Variants in PTPN13 observed in about 807,000 individuals in gnomAD.
PTPN13 encodes protein tyrosine phosphatase non-receptor type 13.
A neutral mutation model predicts 284.0 loss-of-function variants in PTPN13; 191 were observed. That is an observed-to-expected ratio of 0.67 (90% CI 0.60 to 0.76). PTPN13 has a LOEUF of 0.76. Among genes scored for constraint, PTPN13 ranks in the 30% least tolerant of loss-of-function variants. The pLI is 0.00. For missense variants in PTPN13, 2,797 were observed against 2,939.9 expected (o/e 0.95, Z 1.12); for synonymous variants, 986 against 1,022.3 (o/e 0.96, Z 0.68).
rs560659578 is a variant in PTPN13, at chr4:86,738,336, G to A, written c.2304+2590G>A. On this transcript the variant is annotated intron_variant, in intron 15 of 47. Coordinates refer to ENST00000411767, the MANE Select transcript of PTPN13 (RefSeq NM_080683.3). The stretch of plus-strand genomic sequence containing the variant: ...AGTTTTACAGTCCTACCAACAGTGT[G>A]TGAATTTCAGTTGCTCCACATCCTT... Among the ~76,000 whole-genome samples, 13 of 152,264 alleles carry A rather than the reference G, an allele frequency of 8.5e-5. No individual in the cohort carries two copies. In the South Asian group the frequency reaches 2.7e-3, roughly 32 times the overall value.
rs1043951280 is a variant in PTPN13, at chr4:86,687,696, A to C, written c.360+921A>C. ...TTCAGTTTCAATTCTGTAAATATAAATGAGAAAGTTAAAATATTACTGGAA... is the reference window on the plus strand; with the variant it reads ...TTCAGTTTCAATTCTGTAAATATAACTGAGAAAGTTAAAATATTACTGGAA... On this transcript the variant is annotated intron_variant, in intron 4 of 47. Transcript: ENST00000411767. Among the ~76,000 whole-genome samples the C allele has an allele frequency of 1.7e-3, 254 of 152,214 alleles. 2 individuals are homozygous for C. Among genetic ancestry groups the C allele is most frequent in the East Asian group, 1.9e-3 (10 of 5,186 alleles).
At chr4:86,635,422 C>G (rs2148722564) in intron 2 of PTPN13, 51 bp downstream of exon 2, 10 of 1,547,560 alleles carry the variant, frequency 6.5e-6, no homozygotes, top group Non-Finnish European at 8.7e-6. Context: ...GTATTGGGTA[C>G]TTAAAAAACA....
chr4:86,744,229 T>G (rs927640571), intron 16 of PTPN13, among the ~76,000 whole-genome samples: 11 of 152,204 alleles, frequency 7.2e-5, no homozygotes, highest in African/African-American at 2.4e-4. Flanking sequence ...CTATTCAGCC[T>G]TTATGCCACC....
At chr4:86,723,571 C>A (rs1008413302) in intron 10 of PTPN13, among the ~76,000 whole-genome samples, 1 of 152,188 alleles carries the variant, frequency 6.6e-6, no homozygotes, top group South Asian at 2.1e-4. Context: ...TAACTCATTG[C>A]AGATAACTTT....
intron 1 of PTPN13, among the ~76,000 whole-genome samples, chr4:86,616,512 G>A (rs2148644033): frequency 6.6e-6 from 1 of 151,466 alleles, no homozygotes; most frequent in Non-Finnish European, 1.5e-5. Context: ...TAGAGGTGGG[G>A]CCTGGTTGGG....
intron 40 of PTPN13, among the ~76,000 whole-genome samples, chr4:86,794,964 G>A (rs9884422): frequency 0.1 from 15,153 of 152,082 alleles, 877 homozygotes; most frequent in Non-Finnish European, 0.11. Context: ...AACCTAGGTG[G>A]TACTATTCAG....
chr4:86,766,698 A>T, intron 27 of PTPN13, 181 bp downstream of exon 27: 2 of 437,318 alleles, frequency 4.6e-6, no homozygotes, highest in Non-Finnish European at 7.9e-6. Context: ...ATTACAAGAC[A>T]TTTTTTACTG....
chr4:86,746,527 A>G (rs1736779690), intron 17 of PTPN13, among the ~76,000 whole-genome samples: 1 of 152,204 alleles, frequency 6.6e-6, no homozygotes, highest in Admixed American at 6.5e-5. Context: ...TGCTGATTTA[A>G]AATGAAGATT....
chr4:86,802,145 T>TTGTGTGTG (rs565544263), intron 42 of PTPN13, among the ~76,000 whole-genome samples: 1 of 143,866 alleles, frequency 7.0e-6, no homozygotes, highest in East Asian at 2.0e-4. Context: ...ATCAAGATTT[T>TTGTGTGTG]AGTGTGTGTG....
At chr4:86,712,758 A>G (rs938705167) in intron 7 of PTPN13, among the ~76,000 whole-genome samples, 28 of 152,150 alleles carry the variant, frequency 1.8e-4, no homozygotes, top group African/African-American at 6.5e-4. Context: ...CCAATAGTTC[A>G]TGAAGAGAAA....
chr4:86,673,672 A>ATTTAATTTGTGATTTT (rs1727957701), intron 3 of PTPN13, among the ~76,000 whole-genome samples: 1 of 152,208 alleles, frequency 6.6e-6, no homozygotes, highest in African/African-American at 2.4e-5. Context: ...CTATGGGAGA[A>ATTTAATTTGTGATTTT]GGAAGATTTT....
In PTPN13 at chr4:86,775,639, T is replaced by C. The variant is rs771631454; in HGVS notation, c.5878T>C (p.Leu1960=). 3 of 1,611,044 alleles carry C rather than the reference T, an allele frequency of 1.9e-6. No homozygotes were observed. In the African/African-American group the frequency reaches 4.0e-5, roughly 22 times the overall value. The part of the protein sequence containing the change: ...ALDMSLPSLV[L]KATRNDLPVV... ...AGACATGTCACTTCCTTCATTGGTA[T>C]TGAAAGCAACAAGGTACTCTGCAAT... Residue 1960 remains leucine (L), a synonymous_variant, in exon 35 of 48, where the codon TTG becomes CTG. Transcript: ENST00000411767.
At chr4:86,813,676 C>T (rs575409455) in intron 47 of PTPN13, among the ~76,000 whole-genome samples, 2 of 152,278 alleles carry the variant, frequency 1.3e-5, no homozygotes, top group African/African-American at 4.8e-5. Flanking sequence ...ATCCACCTGC[C>T]TCGGCCTCTG....
intron 20 of PTPN13, among the ~76,000 whole-genome samples, chr4:86,756,512 C>G (rs1220451086): frequency 6.6e-6 from 1 of 151,864 alleles, no homozygotes; most frequent in Non-Finnish European, 1.5e-5. Flanking sequence ...ACCGAATTAC[C>G]ACTACTCTTA....
chr4:86,623,473 T>C (rs908417588), intron 1 of PTPN13, among the ~76,000 whole-genome samples: 9 of 152,184 alleles, frequency 5.9e-5, no homozygotes, highest in Admixed American at 5.9e-4. Flanking sequence ...TAAAATTAAA[T>C]CCACAAGTCT....
At chr4:86,801,311 C>T (rs1442598003) in intron 42 of PTPN13, among the ~76,000 whole-genome samples, 1 of 152,174 alleles carries the variant, frequency 6.6e-6, no homozygotes, top group Non-Finnish European at 1.5e-5. Flanking sequence ...GGAGTAATCT[C>T]CCATATTAAG....
In PTPN13 at chr4:86,714,756, AT is replaced by A. The variant is rs545412980; in HGVS notation, c.1196-1772del. Among the ~76,000 whole-genome samples, 922 of 152,272 alleles carry A rather than the reference AT, an allele frequency of 6.1e-3. 5 individuals are homozygous for A. The highest frequency in any genetic ancestry group is 0.01 in the Non-Finnish European group (697 of 68,014). ...ATATACATTTATTCACTCAGAAAAT[AT>A]TCATTTTGTGCTTGCTATGTACCAG... On this transcript the variant is annotated intron_variant, in intron 7 of 47. Transcript: ENST00000411767.
chr4:86,692,915 A>G (rs1730178562), intron 5 of PTPN13, among the ~76,000 whole-genome samples: 1 of 151,994 alleles, frequency 6.6e-6, no homozygotes, highest in African/African-American at 2.4e-5. Context: ...CCCTGTCTCT[A>G]CTTAAAATAC....
Position 86,814,612 on chromosome 4 carries a change from T to C in PTPN13, c.*61T>C, listed in dbSNP as rs765209063. On this transcript the variant is annotated 3_prime_UTR_variant, in exon 48 of 48. Transcript: ENST00000411767. ...TCCTTAACCTCCAGCAGACTCCTGCTCTCTATCCAAAATAAAGATCACAGA... is the reference window on the plus strand; with the variant it reads ...TCCTTAACCTCCAGCAGACTCCTGCCCTCTATCCAAAATAAAGATCACAGA... 30 of 1,347,654 alleles carry C rather than the reference T, an allele frequency of 2.2e-5. No homozygotes were observed. The highest frequency in any genetic ancestry group is 2.5e-5 in the Non-Finnish European group (24 of 950,924). The allele number at this position is 1,347,654 out of a possible 1,614,324, so 83.5% of individuals were successfully genotyped here. A position where few individuals can be genotyped will look rare whatever the true frequency, so the allele number is the denominator to read the frequency against.
Sources: allele counts gnomAD v4.1 joint callset (sites outside exome capture counted in the v4.1 genomes callset), GRCh38; gene constraint gnomAD v4.1.1; transcripts MANE v1.5; gene names NCBI Gene and HGNC (gene_info 2026-07-23, HGNC 2026-07-21).